The following PIEZO2 variants were observed in gnomAD, a reference collection of about 807,000 sequenced individuals.
PIEZO2 encodes piezo-type mechanosensitive ion channel component 2.
PIEZO2 carries 172 observed loss-of-function variants against 337.3 expected under a neutral mutation model. That is an observed-to-expected ratio of 0.51 (90% CI 0.45 to 0.58). PIEZO2 has a LOEUF of 0.58. Among genes scored for constraint, PIEZO2 ranks in the 20% least tolerant of loss-of-function variants. The probability of loss-of-function intolerance (pLI) is 0.00; values close to 1 mark genes in which losing one functional copy is unlikely to be tolerated. For missense variants in PIEZO2, 3,028 were observed against 3,391.3 expected, an observed-to-expected ratio of 0.89 and a Z score of 2.66; for synonymous variants, 1,251 against 1,228.5, an observed-to-expected ratio of 1.02 and a Z score of -0.38.
At chr18:10,684,863 A>G (rs765111287) in intron 49 of PIEZO2, among the ~76,000 whole-genome samples, 1 of 151,780 alleles carries the variant, frequency 6.6e-6, no homozygotes, top group Non-Finnish European at 1.5e-5. Context: ...ATTTTTTGAG[A>G]TAGTGTCTTG....
chr18:10,719,901 A>G (rs1219521889), intron 36 of PIEZO2, among the ~76,000 whole-genome samples: 1 of 152,148 alleles, frequency 6.6e-6, no homozygotes, highest in Admixed American at 6.6e-5. Context: ...CAGGTAGATG[A>G]GAAAGTAAAA....
chr18:11,072,141 T>C (rs1232526522), intron 1 of PIEZO2, among the ~76,000 whole-genome samples: 2 of 152,182 alleles, frequency 1.3e-5, no homozygotes, highest in African/African-American at 2.4e-5. Context: ...TTGCATGTAC[T>C]TCTACGTCAG....
At chr18:10,681,891 C>T (rs1382127714) in intron 50 of PIEZO2, 138 bp from the exon 51 acceptor site, 1 of 863,358 alleles carries the variant, frequency 1.2e-6, no homozygotes, top group East Asian at 2.6e-5. Flanking sequence ...CATCCGAGAT[C>T]TCTTTTTGGA....
In PIEZO2 at chr18:10,744,091, G is replaced by C; in HGVS notation, c.4514+51C>G. The stretch of plus-strand genomic sequence containing the variant: ...CAACAGTGGAGCACCAGCTGAATGT[G>C]GTCACACAATCAGAAGACGGAAGGA... On this transcript the variant is annotated intron_variant, in intron 31 of 55. Transcript: ENST00000674853. The C allele has an allele frequency of 7.5e-6, 10 of 1,328,726 alleles. No individual in the cohort carries two copies. In the South Asian group the frequency reaches 1.1e-4, roughly 15 times the overall value. The allele number at this position is 1,328,726 out of a possible 1,614,324, so 82.3% of individuals were successfully genotyped here.
Position 10,828,127 on chromosome 18 carries a change from TTTG to T in PIEZO2, c.918-20856_918-20854del. On this transcript the variant is annotated intron_variant, in intron 7 of 55. Transcript: ENST00000674853. The surrounding 1 kb of genome is among the most constrained non-coding windows in gnomAD (Gnocchi z 4.1). ...GAAATAGCATGACGGTTTTTTTTTG[TTTG>T]TTTGTTTTTGTTTTTTTTTTTTTTT... 1.2e-5 allele frequency among the ~76,000 whole-genome samples: 1 copy of T among 86,820 alleles called. No homozygotes were observed. Among genetic ancestry groups the T allele is most frequent in the African/African-American group, 6.3e-5 (1 of 15,776 alleles). The allele number at this position is 86,820 out of a possible 152,430, so 57.0% of individuals were successfully genotyped here. A position where few individuals can be genotyped will look rare whatever the true frequency, so the allele number is the denominator to read the frequency against.
rs2041642406 is a variant in PIEZO2, at chr18:10,854,377, T to C, written c.917+976A>G. Among the ~76,000 whole-genome samples the C allele has an allele frequency of 1.3e-5, 2 of 152,236 alleles. No homozygotes were observed. The highest frequency in any genetic ancestry group is 2.9e-5 in the Non-Finnish European group (2 of 68,038). On this transcript the variant is annotated intron_variant, in intron 7 of 55. Coordinates refer to ENST00000674853, the MANE Select transcript of PIEZO2 (RefSeq NM_001378183.1). The surrounding 1 kb of genome is among the most constrained non-coding windows in gnomAD (Gnocchi z 4.6). The stretch of plus-strand genomic sequence containing the variant: ...CAATTAGCAAGCACCAACAAGGTTC[T>C]ACTTTGTCATTGTGCAACCACCACG...
At chr18:10,898,923 G>A (rs1337881299) in intron 4 of PIEZO2, among the ~76,000 whole-genome samples, 1 of 152,170 alleles carries the variant, frequency 6.6e-6, no homozygotes, top group Non-Finnish European at 1.5e-5. Context: ...TACGAAGCCT[G>A]GGAGTCCTGC....
At chr18:11,130,566 C>A (rs556991489) in intron 1 of PIEZO2, among the ~76,000 whole-genome samples, 7 of 152,290 alleles carry the variant, frequency 4.6e-5, no homozygotes, top group African/African-American at 1.7e-4. Context: ...CTAACTGGAT[C>A]CAGTAAGCAA....
intron 1 of PIEZO2, among the ~76,000 whole-genome samples, chr18:11,141,092 G>C (rs1226580312): frequency 1.3e-5 from 2 of 152,174 alleles, no homozygotes; most frequent in African/African-American, 4.8e-5. Context: ...TTGACTATCA[G>C]GGGAGACAGA....
At chr18:10,754,954 G>A (rs2037779036) in intron 27 of PIEZO2, among the ~76,000 whole-genome samples, 1 of 152,170 alleles carries the variant, frequency 6.6e-6, no homozygotes, top group Non-Finnish European at 1.5e-5. Flanking sequence ...TTGGGCTGGG[G>A]TAAAAGGGCT....
intron 11 of PIEZO2, 28 bp downstream of exon 11, chr18:10,800,309 C>A (rs528538193): frequency 1.3e-6 from 2 of 1,508,328 alleles, no homozygotes; most frequent in African/African-American, 2.8e-5. Flanking sequence ...GGAAGAAATG[C>A]GACCCTGAGT....
intron 17 of PIEZO2, among the ~76,000 whole-genome samples, chr18:10,780,668 C>A (rs903062652): frequency 3.6e-4 from 29 of 80,976 alleles, no homozygotes; most frequent in African/African-American, 1.1e-3. Context: ...TTTTAAGGTA[C>A]CTTTTTTTTT....
Position 11,047,150 on chromosome 18 carries a change from C to T in PIEZO2, c.160+18977G>A, listed in dbSNP as rs187823231. The stretch of plus-strand genomic sequence containing the variant: ...ACACTCAGGAGCCCCGTTTTCTGCA[C>T]GTGCCTCCCTGGGGTCCTCCTTACT... On this transcript the variant is annotated intron_variant, in intron 2 of 55. Coordinates refer to ENST00000674853, the MANE Select transcript of PIEZO2 (RefSeq NM_001378183.1). The surrounding 1 kb of genome is among the most constrained non-coding windows in gnomAD (Gnocchi z 7.2). Among the ~76,000 whole-genome samples, 4 of 152,340 alleles carry T rather than the reference C, an allele frequency of 2.6e-5. No individual in the cohort carries two copies. Among genetic ancestry groups the T allele is most frequent in the Admixed American group, 6.5e-5 (1 of 15,310 alleles).
At chr18:10,912,670 C>T (rs1175300466) in intron 3 of PIEZO2, among the ~76,000 whole-genome samples, 6 of 152,164 alleles carry the variant, frequency 3.9e-5, no homozygotes, top group Non-Finnish European at 8.8e-5. Flanking sequence ...CACTAAGTGT[C>T]TCCTAGACAT....
chr18:11,141,345 T>C (rs1357608057), intron 1 of PIEZO2, among the ~76,000 whole-genome samples: 2 of 152,080 alleles, frequency 1.3e-5, no homozygotes, highest in African/African-American at 4.8e-5. Context: ...TGGAATGTAA[T>C]TGCCCACTGA....
rs2042886277 is a variant in PIEZO2 at position 10,895,893 on chromosome 18, T to C, written c.329+15293A>G. On this transcript the variant is annotated intron_variant, in intron 4 of 55. Coordinates refer to ENST00000674853, the MANE Select transcript of PIEZO2 (RefSeq NM_001378183.1). The surrounding 1 kb of genome is among the most constrained non-coding windows in gnomAD (Gnocchi z 4.8). ...GGCCAACATGGTGAAACCCTGTCTT[T>C]ACTAAAAATACAGAAAATTACCCGG... Among the ~76,000 whole-genome samples the C allele has an allele frequency of 6.6e-6, 1 of 151,840 alleles. No individual in the cohort carries two copies. The highest frequency in any genetic ancestry group is 1.5e-5 in the Non-Finnish European group (1 of 67,972).
chr18:10,918,580 G>C (rs772293374), intron 3 of PIEZO2, among the ~76,000 whole-genome samples: 1 of 151,844 alleles, frequency 6.6e-6, no homozygotes, highest in East Asian at 1.9e-4. Context: ...ATGTTCAATG[G>C]TGCGCTTTTC....
Position 11,082,793 on chromosome 18 carries a change from G to A in PIEZO2, c.65-16571C>T, listed in dbSNP as rs114217705. Among the ~76,000 whole-genome samples, 775 of 152,136 alleles carry A rather than the reference G, an allele frequency of 5.1e-3. 5 individuals carry two copies. Among genetic ancestry groups the A allele is most frequent in the African/African-American group, 0.017 (709 of 41,500 alleles). ...GCAGATTGCCCAGAATTACAACCCC[G>A]AAACCAAAGTAAAGCAAACTCCAAT... On this transcript the variant is annotated intron_variant, in intron 1 of 55. Transcript: ENST00000674853.
chr18:10,817,119 G>A (rs975703839), intron 7 of PIEZO2, among the ~76,000 whole-genome samples: 3 of 152,086 alleles, frequency 2.0e-5, no homozygotes, highest in Non-Finnish European at 4.4e-5. Context: ...TTAAAGTTTG[G>A]GAAGCATTGA....
Sources: gnomAD v4.1 joint callset for allele counts (sites outside exome capture counted in the v4.1 genomes callset) on GRCh38, gnomAD v4.1.1 for gene constraint, Gnocchi (gnomAD v3.1) non-coding constraint, MANE v1.5 for transcripts, NCBI Gene and HGNC (gene_info 2026-07-23, HGNC 2026-07-21) for gene names.